The following POLA1 variants were observed in gnomAD, a reference collection of about 807,000 sequenced individuals.
The protein encoded by POLA1 is DNA polymerase alpha catalytic subunit.
Under a neutral mutation model 124.0 loss-of-function variants are expected in POLA1, and 15 were observed. The observed-to-expected ratio is 0.12, with a 90% CI of 0.08 to 0.19. The LOEUF (loss-of-function observed/expected upper bound fraction) is 0.19. POLA1 is among the 10% of genes least tolerant of loss of function. The pLI is 1.00. For synonymous variants in POLA1, 408 were observed against 389.4 expected (o/e 1.05, Z -0.56); for missense variants, 886 against 1,103.4 (o/e 0.80, Z 2.79).
intron 35 of POLA1, among the ~76,000 whole-genome samples, chrX:24,891,928 A>G (rs866963700): frequency 5.4e-5 from 6 of 111,317 alleles, no homozygotes; most frequent in African/African-American, 1.6e-4. Flanking sequence ...ATGGTAAAGC[A>G]CTGGCCTCTT....
At chrX:24,700,633 C>T (rs1928349343) in intron 2 of POLA1, among the ~76,000 whole-genome samples, 1 of 111,730 alleles carries the variant, frequency 9.0e-6, no homozygotes, top group Non-Finnish European at 1.9e-5. Flanking sequence ...TTCAGCTTCC[C>T]GAGTAGCTGG....
intron 36 of POLA1, among the ~76,000 whole-genome samples, chrX:24,936,678 T>TGC (rs2047852515): frequency 9.0e-6 from 1 of 111,309 alleles, no homozygotes; most frequent in African/African-American, 3.3e-5. Context: ...ACTACAGGCA[T>TGC]CTGCCACCAC....
chrX:24,985,874 A>T (rs917852038), intron 36 of POLA1, among the ~76,000 whole-genome samples: 7 of 112,201 alleles, frequency 6.2e-5, no homozygotes, highest in African/African-American at 1.3e-4. Context: ...CTTTTCTCTA[A>T]GAAAGGGTTC....
At chrX:24,784,585 G>A (rs943415454) in intron 26 of POLA1, among the ~76,000 whole-genome samples, 11 of 110,436 alleles carry the variant, frequency 1.0e-4, no homozygotes, top group African/African-American at 3.6e-4. Flanking sequence ...TCAGGAGGCT[G>A]AGGCAGAAGA....
chrX:24,860,235 A>C (rs960829295), intron 34 of POLA1, among the ~76,000 whole-genome samples: 1 of 112,857 alleles, frequency 8.9e-6, no homozygotes, highest in Non-Finnish European at 1.9e-5. Flanking sequence ...CACCATGTGT[A>C]TATACATGTG....
Position 24,702,425 on chromosome X carries a change from C to T in POLA1, c.169-826C>T, listed in dbSNP as rs190861583. Among the ~76,000 whole-genome samples, 39 of 112,681 alleles carry T rather than the reference C, an allele frequency of 3.5e-4. No homozygotes were observed. The Admixed American group carries it at 3.5e-3, about 10-fold the overall frequency. Reference sequence around the variant, plus strand: ...TTTGCAAACCAGCCCACCAGAGTCTCATCTGGAAAGTCACTGGCCTTTCCC... The same window carrying T: ...TTTGCAAACCAGCCCACCAGAGTCTTATCTGGAAAGTCACTGGCCTTTCCC... On this transcript the variant is annotated intron_variant, in intron 2 of 36. Transcript: ENST00000379068.
Position 24,812,699 on chromosome X carries a change from A to G in POLA1, c.3132A>G (p.Ile1044Met). ...ATAAGTTGTACAAACTGCTTGAAAT[A>G]GACATTGATGGGGTTTTCAAGTCTC... ...EVNKLYKLLE[I>M]DIDGVFKSLL... is the part of the protein sequence containing the mutation. The change falls in exon 29 of 37, where the codon ATA becomes ATG. Residue 1044 changes from isoleucine (I) to methionine (M), a missense_variant. Around this residue, in one of 7 missense-constraint regions of POLA1, gnomAD observed 313 missense variants for 359.7 expected, o/e 0.87. Coordinates refer to ENST00000379068, the MANE Select transcript of POLA1 (RefSeq NM_001330360.2). 2.5e-6 allele frequency: 3 copies of G among 1,204,306 alleles called. No individual in the cohort carries two copies. Among genetic ancestry groups the G allele is most frequent in the Non-Finnish European group, 2.2e-6 (2 of 889,073 alleles).
chrX:24,930,668 T>C, intron 36 of POLA1, 119 bp downstream of exon 36: 2 of 504,997 alleles, frequency 4.0e-6, no homozygotes, highest in Non-Finnish European at 6.9e-6. Context: ...AAGCAGGCCG[T>C]GGGGGCCTAT....
chrX:24,787,898 A>T (rs760686958), intron 26 of POLA1, among the ~76,000 whole-genome samples: 12 of 112,187 alleles, frequency 1.1e-4, no homozygotes, highest in African/African-American at 3.9e-4. Flanking sequence ...CCAGATAAGG[A>T]TGCTACAAGA....
Position 24,748,867 on chromosome X carries a change from C to T in POLA1, c.2842-3C>T. 8.3e-7 allele frequency: 1 copy of T among 1,208,475 alleles called. No homozygotes were observed. Among genetic ancestry groups the T allele is most frequent in the Non-Finnish European group, 1.1e-6 (1 of 892,611 alleles). ...TTTGTCTTTTGTTCTGTGTGGCCTG[C>T]AGTATGACATTCGACAGAAGGCTTT... On this transcript the variant is annotated splice_region_variant and splice_polypyrimidine_tract_variant and intron_variant, in intron 25 of 36. Coordinates refer to ENST00000379068, the MANE Select transcript of POLA1 (RefSeq NM_001330360.2).
chrX:24,954,361 T>G (rs993978399), intron 36 of POLA1, among the ~76,000 whole-genome samples: 1 of 112,484 alleles, frequency 8.9e-6, no homozygotes, highest in South Asian at 3.7e-4. Flanking sequence ...GCTGTGTTGC[T>G]AGATCCACAT....
intron 35 of POLA1, among the ~76,000 whole-genome samples, chrX:24,906,738 GA>G (rs1165887482): frequency 1.6e-3 from 162 of 103,793 alleles, no homozygotes; most frequent in Non-Finnish European, 2.7e-3. Context: ...CCTCCTGGGG[GA>G]AAAAAAAAAG....
intron 26 of POLA1, among the ~76,000 whole-genome samples, chrX:24,792,883 A>G (rs1340358625): frequency 8.9e-6 from 1 of 111,886 alleles, no homozygotes; most frequent in East Asian, 2.8e-4. Flanking sequence ...TCTTTGGGAT[A>G]AAGTTGGGCT....
At chrX:24,851,217 T>A (rs1281809179) in intron 34 of POLA1, among the ~76,000 whole-genome samples, 1 of 112,465 alleles carries the variant, frequency 8.9e-6, no homozygotes, top group Non-Finnish European at 1.9e-5. Flanking sequence ...TAGCACAGAA[T>A]ACTGCAGCAC....
At position 24,699,406 on chromosome X, in the gene POLA1, A is replaced by AT; in HGVS notation, c.44-11dup. 4.4e-6 allele frequency: 5 copies of AT among 1,128,988 alleles called. No homozygotes were observed. The highest frequency in any genetic ancestry group is 4.5e-5 in the South Asian group (2 of 44,232). The allele number at this position is 1,128,988 out of a possible 1,213,427, so 93.0% of individuals were successfully genotyped here. ...GACAATTTTGTAACATCTGTTGTAAATTTTTTTTCTTTTTTCAGCTCTGTC... is the reference window on the plus strand; with the variant it reads ...GACAATTTTGTAACATCTGTTGTAAATTTTTTTTTCTTTTTTCAGCTCTGTC... On this transcript the variant is annotated intron_variant, in intron 1 of 36. Coordinates refer to ENST00000379068, the MANE Select transcript of POLA1 (RefSeq NM_001330360.2).
chrX:24,877,804 T>G lies in POLA1; in HGVS notation c.4048-10202T>G, dbSNP rs1601828510. On this transcript the variant is annotated intron_variant, in intron 34 of 36. Transcript: ENST00000379068. ...GAAAATATATAATCCTACATTCATG[T>G]AAAACCAAAAGTTTCCCATGTTGCA... 2.7e-5 allele frequency among the ~76,000 whole-genome samples: 3 copies of G among 111,940 alleles called. No individual in the cohort carries two copies. In the South Asian group the frequency reaches 1.1e-3, roughly 42 times the overall value.
At chrX:24,945,215 A>G (rs1371976906) in intron 36 of POLA1, among the ~76,000 whole-genome samples, 1 of 113,143 alleles carries the variant, frequency 8.8e-6, no homozygotes, top group African/African-American at 3.2e-5. Flanking sequence ...AGTGCCTGGC[A>G]CATAGTAAGC....
At chrX:24,958,171 AGAATG>A (rs2048129176) in intron 36 of POLA1, among the ~76,000 whole-genome samples, 1 of 112,099 alleles carries the variant, frequency 8.9e-6, no homozygotes, top group South Asian at 3.8e-4. Context: ...GATCTTTGCG[AGAATG>A]GAACAGACAC....
rs1365007275 is a variant in POLA1 at position 24,717,342 on chromosome X, G to A, written c.759G>A (p.Met253Ile). ...STEEEQESGAMEFEDGDFDEP... is the reference protein window; with the variant it reads ...STEEEQESGAIEFEDGDFDEP... Reference sequence around the variant, plus strand: ...AAGAAGAGCAGGAGTCAGGGGCAATGGAGTTTGAAGATGGTGACTTTGATG... The same window carrying A: ...AAGAAGAGCAGGAGTCAGGGGCAATAGAGTTTGAAGATGGTGACTTTGATG... The change falls in exon 9 of 37, where the codon ATG becomes ATA. Residue 253 changes from methionine to isoleucine, a missense_variant. Met to Ile is a conservative substitution (Grantham distance 10, BLOSUM62 1). This residue lies in a region of POLA1 where 337 missense variants were observed against 402.8 expected (regional missense o/e 0.84). Transcript: ENST00000379068. 1.7e-6 allele frequency: 2 copies of A among 1,209,947 alleles called. No homozygotes were observed. Among genetic ancestry groups the A allele is most frequent in the Non-Finnish European group, 2.2e-6 (2 of 894,018 alleles).
Sources: gnomAD v4.1 joint callset for allele counts (sites outside exome capture counted in the v4.1 genomes callset) on GRCh38, gnomAD v4.1.1 for gene constraint, gnomAD v4.1.1 regional missense constraint, MANE v1.5 for transcripts, NCBI Gene and HGNC (gene_info 2026-07-23, HGNC 2026-07-21) for gene names.